Variants in POU6F2 observed in about 807,000 individuals in gnomAD.
POU6F2 encodes the protein POU class 6 homeobox 2.
In POU6F2, 31 loss-of-function variants were observed where a neutral mutation model predicts 71.3. The observed-to-expected ratio is 0.43, with a 90% confidence interval of 0.33 to 0.59. The LOEUF (loss-of-function observed/expected upper bound fraction) is 0.59. POU6F2 is among the 20% of genes least tolerant of loss of function. The pLI is 0.04. For missense variants in POU6F2, 783 were observed against 856.8 expected, an observed-to-expected ratio of 0.91 and a Z score of 1.07; for synonymous variants, 347 against 355.7, an observed-to-expected ratio of 0.98 and a Z score of 0.27.
chr7:39,250,761 TG>T (rs1783900708), intron 4 of POU6F2, among the ~76,000 whole-genome samples: 1 of 152,208 alleles, frequency 6.6e-6, no homozygotes, highest in Non-Finnish European at 1.5e-5. Context: ...TATTATGATA[TG>T]AAGGATTCTC....
intron 5 of POU6F2, among the ~76,000 whole-genome samples, chr7:39,394,854 T>C (rs1280050123): frequency 1.3e-5 from 2 of 152,124 alleles, no homozygotes; most frequent in African/African-American, 4.8e-5. Flanking sequence ...CACTGGCTTG[T>C]ACCCATTGGC....
intron 4 of POU6F2, among the ~76,000 whole-genome samples, chr7:39,264,483 A>C (rs1340517959): frequency 6.6e-6 from 1 of 152,160 alleles, no homozygotes; most frequent in Non-Finnish European, 1.5e-5. Context: ...TGAGTGTATC[A>C]TTTGGGATGG....
intron 4 of POU6F2, among the ~76,000 whole-genome samples, chr7:39,213,846 A>G (rs1794189737): frequency 6.6e-6 from 1 of 152,164 alleles, no homozygotes; most frequent in Non-Finnish European, 1.5e-5. Context: ...CTAGGGAAGC[A>G]CCTTTGGCCA....
At chr7:39,087,676 A>T (rs1791280906) in intron 2 of POU6F2, among the ~76,000 whole-genome samples, 1 of 152,198 alleles carries the variant, frequency 6.6e-6, no homozygotes. Context: ...ACTTTTAAAA[A>T]GTAATCAATT....
chr7:39,070,449 G>C (rs1314029762), intron 1 of POU6F2, among the ~76,000 whole-genome samples: 1 of 152,024 alleles, frequency 6.6e-6, no homozygotes, highest in Non-Finnish European at 1.5e-5. Flanking sequence ...AGGCACATCA[G>C]ACCTTGTCAT....
chr7:39,138,508 C>T (rs766898400), intron 2 of POU6F2, among the ~76,000 whole-genome samples: 1 of 152,134 alleles, frequency 6.6e-6, no homozygotes, highest in Non-Finnish European at 1.5e-5. Flanking sequence ...CTCATAGGAG[C>T]ACAAACCCCA....
intron 5 of POU6F2, among the ~76,000 whole-genome samples, chr7:39,364,965 C>T (rs1786468444): frequency 6.6e-6 from 1 of 152,138 alleles, no homozygotes; most frequent in African/African-American, 2.4e-5. Context: ...GCCATTCTTG[C>T]AGGAGTAAGG....
At chr7:39,433,034 C>A in intron 6 of POU6F2, 43 bp from the exon 7 acceptor site, 1 of 1,601,182 alleles carries the variant, frequency 6.2e-7, no homozygotes, top group Non-Finnish European at 8.5e-7. Context: ...CATGCACAGA[C>A]CCTTCACCGA....
intron 4 of POU6F2, among the ~76,000 whole-genome samples, chr7:39,300,729 C>T (rs1340514869): frequency 1.3e-5 from 2 of 152,252 alleles, no homozygotes; most frequent in Non-Finnish European, 2.9e-5. Flanking sequence ...ACGTCCATGT[C>T]TAAATTTCCT....
Position 39,365,436 on chromosome 7 carries a change from C to T in POU6F2, c.972+25421C>T, listed in dbSNP as rs373748180. ...TCTAAGACCTAAAACTACAAAAATTCTAGTAGATAACATTGCAAAAACCCT... is the reference window on the plus strand; with the variant it reads ...TCTAAGACCTAAAACTACAAAAATTTTAGTAGATAACATTGCAAAAACCCT... On this transcript the variant is annotated intron_variant, in intron 5 of 9. Transcript: ENST00000518318. Among the ~76,000 whole-genome samples the T allele has an allele frequency of 1.8e-4, 28 of 152,272 alleles. No homozygotes were observed. In the East Asian group the frequency reaches 4.8e-3, roughly 26 times the overall value.
intron 4 of POU6F2, among the ~76,000 whole-genome samples, chr7:39,316,684 C>G (rs1785274768): frequency 6.6e-6 from 1 of 152,234 alleles, no homozygotes; most frequent in Admixed American, 6.5e-5. Context: ...CTGTGAAAGA[C>G]TTTAGGTTTC....
At chr7:39,340,752 C>CATATATATATATATAT (rs149719876) in intron 5 of POU6F2, among the ~76,000 whole-genome samples, 15 of 35,822 alleles carry the variant, frequency 4.2e-4, no homozygotes, top group African/African-American at 1.6e-3. Context: ...TAGGTGCATT[C>CATATATATATATATAT]ATATATATAT....
At chr7:39,311,189 GA>G (rs1338501647) in intron 4 of POU6F2, among the ~76,000 whole-genome samples, 7 of 148,090 alleles carry the variant, frequency 4.7e-5, no homozygotes, top group African/African-American at 7.5e-5. Flanking sequence ...CCCTGATAAG[GA>G]AAAAAAAAGT....
intron 7 of POU6F2, among the ~76,000 whole-genome samples, chr7:39,434,643 C>T (rs1788190570): frequency 6.7e-6 from 1 of 148,300 alleles, no homozygotes; most frequent in African/African-American, 2.5e-5. Flanking sequence ...TTTTTTTAAA[C>T]TTCTTCTAAA....
At chr7:39,006,807 T>G (rs760632371) in intron 1 of POU6F2, 1 of 1,607,520 alleles carries the variant, frequency 6.2e-7, no homozygotes, top group Non-Finnish European at 8.5e-7. Flanking sequence ...ACTGTCAAGA[T>G]GCTGAAAGAA....
At chr7:39,281,546 A>G (rs968089422) in intron 4 of POU6F2, among the ~76,000 whole-genome samples, 2 of 152,162 alleles carry the variant, frequency 1.3e-5, no homozygotes, top group African/African-American at 4.8e-5. Flanking sequence ...GTGTGAGAAC[A>G]TGCTGTATTT....
At chr7:39,129,002 T>C (rs527507657) in intron 2 of POU6F2, among the ~76,000 whole-genome samples, 5 of 152,196 alleles carry the variant, frequency 3.3e-5, no homozygotes, top group African/African-American at 1.2e-4. Context: ...AGAGTGGATA[T>C]TGCTTTTGGA....
intron 1 of POU6F2, among the ~76,000 whole-genome samples, chr7:39,061,118 A>T (rs2128716056): frequency 6.6e-6 from 1 of 152,318 alleles, no homozygotes; most frequent in South Asian, 2.1e-4. Flanking sequence ...ATTAAAAATT[A>T]TATTTTCCAA....
At chr7:39,137,183 G>A (rs1792405216) in intron 2 of POU6F2, among the ~76,000 whole-genome samples, 1 of 152,026 alleles carries the variant, frequency 6.6e-6, no homozygotes, top group East Asian at 1.9e-4. Context: ...GTTTGAAATG[G>A]TGGATATGCT....
Sources: gnomAD v4.1 joint callset for allele counts (sites outside exome capture counted in the v4.1 genomes callset) on GRCh38, gnomAD v4.1.1 for gene constraint, MANE v1.5 for transcripts, NCBI Gene and HGNC (gene_info 2026-07-23, HGNC 2026-07-21) for gene names.